CAMKMT: variants seen among roughly 807,000 people sequenced by gnomAD.
CAMKMT encodes CaM KMT.
Under a neutral mutation model 48.0 loss-of-function variants are expected in CAMKMT, and 53 were observed. The observed-to-expected ratio is 1.10, with a 90% CI of 0.89 to 1.39. The LOEUF is 1.39. Among genes scored for constraint, CAMKMT ranks in the 40% most tolerant of loss-of-function variants. The probability of loss-of-function intolerance (pLI) is 0.00; values close to 1 mark genes in which losing one functional copy is unlikely to be tolerated. For synonymous variants in CAMKMT, 165 were observed against 152.3 expected (o/e 1.08, Z -0.61); for missense variants, 428 against 402.7 (o/e 1.06, Z -0.54).
intron 3 of CAMKMT, among the ~76,000 whole-genome samples, chr2:44,692,628 T>C (rs1676725184): frequency 1.3e-5 from 2 of 152,150 alleles, no homozygotes; most frequent in Non-Finnish European, 2.9e-5. Flanking sequence ...TAAATGAGGC[T>C]TAAAAAGTTT....
chr2:44,607,446 C>T (rs1423424628), intron 3 of CAMKMT, among the ~76,000 whole-genome samples: 1 of 152,156 alleles, frequency 6.6e-6, no homozygotes, highest in Admixed American at 6.6e-5. Flanking sequence ...CTAAATTGCT[C>T]TTGCATGTGT....
chr2:44,630,583 G>A (rs755997255), intron 3 of CAMKMT, among the ~76,000 whole-genome samples: 5,202 of 151,426 alleles, frequency 0.034, 257 homozygotes, highest in African/African-American at 0.11. Flanking sequence ...AAAAGTGGGC[G>A]AAGGACATGA....
chr2:44,413,813 T>C (rs927477536), intron 3 of CAMKMT, among the ~76,000 whole-genome samples: 2 of 152,330 alleles, frequency 1.3e-5, no homozygotes, highest in Middle Eastern at 6.8e-3. Context: ...AAAGGAGTTA[T>C]AGTTAGAAAT....
In CAMKMT at chr2:44,762,053, C is replaced by T. The variant is rs952566347; in HGVS notation, c.763-4377C>T. Among the ~76,000 whole-genome samples, 5 of 152,034 alleles carry T rather than the reference C, an allele frequency of 3.3e-5. No individual in the cohort carries two copies. In the South Asian group the frequency reaches 6.2e-4, roughly 19 times the overall value. ...TACAATTGCCAAGAATTAGATGGAA[C>T]GTGATGAAAAAGTAGGCAGAGCCCT... On this transcript the variant is annotated intron_variant, in intron 9 of 10. Coordinates refer to ENST00000378494, the MANE Select transcript of CAMKMT (RefSeq NM_024766.5).
intron 3 of CAMKMT, among the ~76,000 whole-genome samples, chr2:44,399,034 T>A (rs1682116805): frequency 6.6e-6 from 1 of 152,216 alleles, no homozygotes. Context: ...CCAATCATTC[T>A]GTGTGTATGA....
At chr2:44,747,408 C>T (rs761148156) in intron 8 of CAMKMT, among the ~76,000 whole-genome samples, 10 of 152,134 alleles carry the variant, frequency 6.6e-5, no homozygotes, top group Non-Finnish European at 1.2e-4. Context: ...AAATATCTTT[C>T]GCCCAAATAT....
intron 3 of CAMKMT, among the ~76,000 whole-genome samples, chr2:44,601,468 G>A (rs1212450575): frequency 2.0e-5 from 3 of 151,634 alleles, no homozygotes; most frequent in Non-Finnish European, 4.4e-5. Flanking sequence ...AAAAAATAAT[G>A]ATAATTAATA....
chr2:44,567,461 C>T (rs572374404), intron 3 of CAMKMT, among the ~76,000 whole-genome samples: 204 of 152,284 alleles, frequency 1.3e-3, no homozygotes, highest in Non-Finnish European at 2.1e-3. Context: ...ATTCAGGAGA[C>T]TACTGAAACA....
chr2:44,382,880 C>T (rs748476645), intron 2 of CAMKMT, among the ~76,000 whole-genome samples: 8 of 152,194 alleles, frequency 5.3e-5, no homozygotes, highest in South Asian at 4.1e-4. Flanking sequence ...ACAGTTTACA[C>T]GTATTCTCTT....
intron 3 of CAMKMT, among the ~76,000 whole-genome samples, chr2:44,669,495 G>A (rs73924522): frequency 0.015 from 2,304 of 152,256 alleles, 56 homozygotes; most frequent in African/African-American, 0.052. Flanking sequence ...ATTATCCTCT[G>A]AAGTGTTGTA....
At chr2:44,607,709 T>C (rs976704788) in intron 3 of CAMKMT, among the ~76,000 whole-genome samples, 9 of 152,212 alleles carry the variant, frequency 5.9e-5, no homozygotes, top group African/African-American at 1.7e-4. Context: ...AGGTGCTTCA[T>C]TGGCTTTTTA....
At chr2:44,584,981 C>A (rs569771085) in intron 3 of CAMKMT, among the ~76,000 whole-genome samples, 1 of 150,940 alleles carries the variant, frequency 6.6e-6, no homozygotes, top group African/African-American at 2.4e-5. Context: ...CATGAACCCA[C>A]GAGGCGGAGG....
intron 3 of CAMKMT, among the ~76,000 whole-genome samples, chr2:44,551,518 G>A (rs984377104): frequency 2.0e-5 from 3 of 152,146 alleles, no homozygotes; most frequent in Non-Finnish European, 4.4e-5. Flanking sequence ...GGTCACCTAT[G>A]ATCTGTATTT....
At chr2:44,382,705 T>A (rs912187288) in intron 2 of CAMKMT, among the ~76,000 whole-genome samples, 2 of 152,070 alleles carry the variant, frequency 1.3e-5, no homozygotes, top group Non-Finnish European at 2.9e-5. Context: ...GGTCTCGATC[T>A]CCTGACCTGG....
At chr2:44,434,612 A>G (rs988179009) in intron 3 of CAMKMT, among the ~76,000 whole-genome samples, 1 of 152,166 alleles carries the variant, frequency 6.6e-6, no homozygotes, top group Middle Eastern at 3.2e-3. Flanking sequence ...GTCTTATTCA[A>G]TATTGTCTCC....
At chr2:44,495,677 G>A (rs554934011) in intron 3 of CAMKMT, among the ~76,000 whole-genome samples, 1 of 152,216 alleles carries the variant, frequency 6.6e-6, no homozygotes, top group East Asian at 1.9e-4. Context: ...CTGGTTGTTG[G>A]CAAGTTGCAT....
intron 3 of CAMKMT, among the ~76,000 whole-genome samples, chr2:44,506,985 G>T (rs548794999): frequency 6.6e-5 from 10 of 152,042 alleles, no homozygotes; most frequent in Admixed American, 5.9e-4. Flanking sequence ...AAGCTCACAA[G>T]GCATTTAGAA....
At chr2:44,621,779 A>T (rs1672210356) in intron 3 of CAMKMT, among the ~76,000 whole-genome samples, 1 of 152,364 alleles carries the variant, frequency 6.6e-6, no homozygotes, top group South Asian at 2.1e-4. Flanking sequence ...AAGGAATAGC[A>T]TGATCTAATT....
rs538834827 is a variant in CAMKMT, at chr2:44,711,235, G to A, written c.556+3773G>A. On this transcript the variant is annotated intron_variant, in intron 6 of 10. Transcript: ENST00000378494. ...GTAAACTATATGTGCCTCAGATTGG[G>A]TAGCAGCACAACAAATATGTATTTT... Among the ~76,000 whole-genome samples, 5 of 152,158 alleles carry A rather than the reference G, an allele frequency of 3.3e-5. No individual in the cohort carries two copies. In the South Asian group the frequency reaches 1.0e-3, roughly 32 times the overall value.
Sources: gnomAD v4.1 joint callset for allele counts (sites outside exome capture counted in the v4.1 genomes callset) on GRCh38, gnomAD v4.1.1 for gene constraint, MANE v1.5 for transcripts, NCBI Gene and HGNC (gene_info 2026-07-23, HGNC 2026-07-21) for gene names.